The following DDX39B variants were observed in gnomAD, a reference collection of about 807,000 sequenced individuals.
DDX39B encodes DExD-box helicase 39B, also known as spliceosome RNA helicase DDX39B.
DDX39B carries 6 observed loss-of-function variants against 46.4 expected under a neutral mutation model. That is an observed-to-expected ratio of 0.13 (90% CI 0.07 to 0.26). The LOEUF (loss-of-function observed/expected upper bound fraction) is 0.26, where lower values mean the gene tolerates loss of function less well. DDX39B is among the 10% of genes least tolerant of loss of function. The probability of loss-of-function intolerance (pLI) is 1.00; values close to 1 mark genes in which losing one functional copy is unlikely to be tolerated. For synonymous variants in DDX39B, 174 were observed against 199.4 expected (o/e 0.87, Z 1.07); for missense variants, 185 against 553.4 (o/e 0.33, Z 6.68).
In DDX39B at chr6:31,535,072, C is replaced by G; in HGVS notation, c.735+295G>C. The G allele has an allele frequency of 4.4e-6, 2 of 452,992 alleles. No individual in the cohort carries two copies. The highest frequency in any genetic ancestry group is 4.7e-5 in the South Asian group (2 of 42,858). 28.1% of individuals were successfully genotyped at this position (452,992 alleles called of 1,614,324 possible). On this transcript the variant is annotated intron_variant, in intron 6 of 10. Transcript: ENST00000396172. The surrounding 1 kb of genome is among the most constrained non-coding windows in gnomAD (Gnocchi z 4.6). ...GGGTGGGTGGTAGGGCAGAAAAATC[C>G]TGCCCTCCCCCAAAGGGAGAAGAGG...
At position 31,541,635 on chromosome 6, in the gene DDX39B, A is replaced by G. The variant is rs186024177; in HGVS notation, c.-133+315T>C. The stretch of plus-strand genomic sequence containing the variant: ...AAGAGCCCCGCCCTCCGCAAATACC[A>G]AGACCAAGGGACGCCGAGCGCCGCC... On this transcript the variant is annotated intron_variant, in intron 1 of 10. Coordinates refer to ENST00000396172, the MANE Select transcript of DDX39B (RefSeq NM_004640.7). 1.7e-3 allele frequency: 812 copies of G among 481,780 alleles called. 14 individuals are homozygous for G. The highest frequency in any genetic ancestry group is 0.016 in the Admixed American group (686 of 42,844). 29.8% of individuals were successfully genotyped at this position (481,780 alleles called of 1,614,324 possible).
rs766434263 is a variant in DDX39B, at chr6:31,530,975, C to T, written c.1123-49G>A. The T allele has an allele frequency of 3.1e-6, 5 of 1,613,180 alleles. No homozygotes were observed. In the East Asian group the frequency reaches 1.1e-4, roughly 36 times the overall value. On this transcript the variant is annotated intron_variant, in intron 9 of 10. Transcript: ENST00000396172. The surrounding 1 kb of genome is among the most constrained non-coding windows in gnomAD (Gnocchi z 4.5). Reference sequence around the variant, plus strand: ...CTGGAAGACCGAAGAGGAAAGAGACCCAGAGGCAGGAATGAAGATGTACAA... The same window carrying T: ...CTGGAAGACCGAAGAGGAAAGAGACTCAGAGGCAGGAATGAAGATGTACAA...
chr6:31,534,778 G>A lies in DDX39B; in HGVS notation c.735+589C>T. Reference sequence around the variant, plus strand: ...TCTGTTGCCGGCTCACATCAACCGAGGTTCCAGATGGGTGCAAGGAGATGT... The same window carrying A: ...TCTGTTGCCGGCTCACATCAACCGAAGTTCCAGATGGGTGCAAGGAGATGT... On this transcript the variant is annotated intron_variant, in intron 6 of 10. Transcript: ENST00000396172. The surrounding 1 kb of genome is among the most constrained non-coding windows in gnomAD (Gnocchi z 5.1). 1 of 337,136 alleles carries A rather than the reference G, an allele frequency of 3.0e-6. No homozygotes were observed. Among genetic ancestry groups the A allele is most frequent in the Non-Finnish European group, 5.8e-6 (1 of 170,974 alleles). The allele number at this position is 337,136 out of a possible 1,614,324, so 20.9% of individuals were successfully genotyped here.
At position 31,540,581 on chromosome 6, in the gene DDX39B, G is replaced by A. The variant is rs755553453; in HGVS notation, c.-49C>T. The A allele has an allele frequency of 2.7e-5, 43 of 1,581,186 alleles. No homozygotes were observed. Among genetic ancestry groups the A allele is most frequent in the Admixed American group, 8.4e-5 (5 of 59,602 alleles). ...GGAAGGGGGATCTGGATGGGTTCTC[G>A]CAAAATAGGTGAAAACAAGGGGTGA... On this transcript the variant is annotated 5_prime_UTR_variant, in exon 2 of 11. Coordinates refer to ENST00000396172, the MANE Select transcript of DDX39B (RefSeq NM_004640.7).
chr6:31,530,495 G>A lies in DDX39B; in HGVS notation c.1271-45C>T, dbSNP rs905884573. On this transcript the variant is annotated intron_variant, in intron 10 of 10. Transcript: ENST00000396172. The surrounding 1 kb of genome is among the most constrained non-coding windows in gnomAD (Gnocchi z 4.5). ...TGGTCAGAATAAGGCATGAAAAGGG[G>A]AAAGTGAGGCAGGAACACACGGCAC... 2 of 1,612,238 alleles carry A rather than the reference G, an allele frequency of 1.2e-6. No homozygotes were observed. The highest frequency in any genetic ancestry group is 2.7e-5 in the African/African-American group (2 of 74,900).
Position 31,530,289 on chromosome 6 carries a change from G to A in DDX39B, c.*145C>T. ...AAAAAAATTCTGACAAATCAGAAAT[G>A]GGGGTTCAGGAGTGGTGGTGATGCA... is the stretch of plus-strand genomic sequence containing the variant. On this transcript the variant is annotated 3_prime_UTR_variant, in exon 11 of 11. Coordinates refer to ENST00000396172, the MANE Select transcript of DDX39B (RefSeq NM_004640.7). This position sits in a 1 kb window ranked among gnomAD's most constrained non-coding sequence, Gnocchi z 4.5. 9.9e-7 allele frequency: 1 copy of A among 1,011,268 alleles called. No individual in the cohort carries two copies. The highest frequency in any genetic ancestry group is 1.6e-5 in the African/African-American group (1 of 61,066). 62.6% of individuals were successfully genotyped at this position (1,011,268 alleles called of 1,614,324 possible). A position where few individuals can be genotyped will look rare whatever the true frequency, so the allele number is the denominator to read the frequency against.
At position 31,531,467 on chromosome 6, in the gene DDX39B, G is replaced by A. The variant is rs748507102; in HGVS notation, c.868-62C>T. The A allele has an allele frequency of 2.9e-4, 419 of 1,445,580 alleles. 2 individuals carry two copies. The highest frequency in any genetic ancestry group is 1.0e-3 in the Middle Eastern group (6 of 5,730). 89.5% of individuals were successfully genotyped at this position (1,445,580 alleles called of 1,614,324 possible). ...GAATAGGGGTCCATGGTGTGTGAGA[G>A]ACATTACGTGGGAGAGGGGAGTTTC... is the stretch of plus-strand genomic sequence containing the variant. On this transcript the variant is annotated intron_variant, in intron 7 of 10. Transcript: ENST00000396172. The surrounding 1 kb of genome is among the most constrained non-coding windows in gnomAD (Gnocchi z 5.8).
At chr6:31,536,423 T>G in intron 5 of DDX39B, 77 bp downstream of exon 5, 1 of 1,600,070 alleles carries the variant, frequency 6.2e-7, no homozygotes, top group Non-Finnish European at 8.5e-7. Flanking sequence ...ACTGAGGTGC[T>G]CCTGTTTCAA....
chr6:31,532,685 A>AT, intron 7 of DDX39B, 95 bp downstream of exon 7: 1 of 1,485,152 alleles, frequency 6.7e-7, no homozygotes, highest in Non-Finnish European at 9.3e-7. Context: ...CACATCACAC[A>AT]TGTGATTTCC....
At chr6:31,533,960 CGT>C (rs1767483573) in intron 6 of DDX39B, 1 of 152,254 alleles carries the variant, frequency 6.6e-6, no homozygotes, top group African/African-American at 2.4e-5. Flanking sequence ...GGAAAGGATG[CGT>C]GTGTCATGGG....
intron 5 of DDX39B, among the ~76,000 whole-genome samples, chr6:31,536,200 T>C (rs1161955648): frequency 1.3e-5 from 2 of 152,200 alleles, no homozygotes; most frequent in African/African-American, 4.8e-5. Flanking sequence ...GAATCTCCGC[T>C]ATGACTCCCA....
chr6:31,532,853 T>C lies in DDX39B; in HGVS notation c.794A>G (p.Tyr265Cys). The change falls in exon 7 of 11, where the codon TAC (tyrosine) becomes TGC (cysteine). Residue 265 changes from tyrosine (Y) to cysteine (C), a missense_variant. Transcript: ENST00000396172. ...TKLTLHGLQQ[Y>C]YVKLKDNEKN... ...CTCGTTGTCCTTCAGTTTCACGTAGTACTGCTGCAACCCATGCAGCGTCAA... is the reference window on the plus strand; with the variant it reads ...CTCGTTGTCCTTCAGTTTCACGTAGCACTGCTGCAACCCATGCAGCGTCAA... 1 of 1,595,532 alleles carries C rather than the reference T, an allele frequency of 6.3e-7. No individual in the cohort carries two copies. Among genetic ancestry groups the C allele is most frequent in the Non-Finnish European group, 8.5e-7 (1 of 1,170,012 alleles).
rs3219189 is a variant in DDX39B at position 31,530,261 on chromosome 6, T to TA, written c.*172dup. The TA allele has an allele frequency of 2.0e-4, 177 of 883,050 alleles. No individual in the cohort carries two copies. Among genetic ancestry groups the TA allele is most frequent in the Non-Finnish European group, 2.5e-4 (148 of 590,552 alleles). 54.7% of individuals were successfully genotyped at this position (883,050 alleles called of 1,614,324 possible). ...ACATGTGTTTCATTTTTAGTTTTGT[T>TA]AAAAAAAAATTCTGACAAATCAGAA... On this transcript the variant is annotated 3_prime_UTR_variant, in exon 11 of 11. Coordinates refer to ENST00000396172, the MANE Select transcript of DDX39B (RefSeq NM_004640.7). This position sits in a 1 kb window ranked among gnomAD's most constrained non-coding sequence, Gnocchi z 4.5.
intron 4 of DDX39B, 127 bp from the exon 5 acceptor site, chr6:31,536,810 G>C (rs3130057): frequency 8.4e-7 from 1 of 1,188,746 alleles, no homozygotes; most frequent in Non-Finnish European, 1.1e-6. Context: ...ACTTTAGAGG[G>C]CACCTAATTT....
chr6:31,531,570 AAC>A lies in DDX39B; in HGVS notation c.868-167_868-166del. 2 of 675,520 alleles carry A rather than the reference AAC, an allele frequency of 3.0e-6. No individual in the cohort carries two copies. The highest frequency in any genetic ancestry group is 5.0e-6 in the Non-Finnish European group (2 of 400,964). 41.8% of individuals were successfully genotyped at this position (675,520 alleles called of 1,614,324 possible). ...ATATTTAGAGCAGAAAAGGAAATAT[AAC>A]TTTACTTCAGCACTGATTTTTCCCT... On this transcript the variant is annotated intron_variant, in intron 7 of 10. Coordinates refer to ENST00000396172, the MANE Select transcript of DDX39B (RefSeq NM_004640.7). The surrounding 1 kb of genome is among the most constrained non-coding windows in gnomAD (Gnocchi z 5.8).
rs1767535322 is a variant in DDX39B at position 31,534,397 on chromosome 6, C to T, written c.735+970G>A. The T allele has an allele frequency of 6.6e-6, 3 of 453,210 alleles. No individual in the cohort carries two copies. The allele number at this position is 453,210 out of a possible 1,614,324, so 28.1% of individuals were successfully genotyped here. A position where few individuals can be genotyped will look rare whatever the true frequency, so the allele number is the denominator to read the frequency against. On this transcript the variant is annotated intron_variant, in intron 6 of 10. Coordinates refer to ENST00000396172, the MANE Select transcript of DDX39B (RefSeq NM_004640.7). This position sits in a 1 kb window ranked among gnomAD's most constrained non-coding sequence, Gnocchi z 5.1. Reference sequence around the variant, plus strand: ...GATCATCCCACGGGAAGGAACACTGCAGGGAGGGGAAGAACACACTCCACT... The same window carrying T: ...GATCATCCCACGGGAAGGAACACTGTAGGGAGGGGAAGAACACACTCCACT...
intron 1 of DDX39B, 171 bp from the exon 2 acceptor site, chr6:31,540,835 C>G (rs1485039320): frequency 2.1e-6 from 1 of 485,666 alleles, no homozygotes; most frequent in Non-Finnish European, 3.7e-6. Context: ...AAAAGCAGTA[C>G]CAGGGAAAGT....
Position 31,540,594 on chromosome 6 carries a change from A to AAAC in DDX39B, c.-65_-63dup. 6.6e-7 allele frequency: 1 copy of AAAC among 1,511,050 alleles called. No homozygotes were observed. Among genetic ancestry groups the AAAC allele is most frequent in the Non-Finnish European group, 9.2e-7 (1 of 1,092,210 alleles). 93.6% of individuals were successfully genotyped at this position (1,511,050 alleles called of 1,614,324 possible). A position where few individuals can be genotyped will look rare whatever the true frequency, so the allele number is the denominator to read the frequency against. On this transcript the variant is annotated 5_prime_UTR_variant, in exon 2 of 11. Transcript: ENST00000396172. ...GGATGGGTTCTCGCAAAATAGGTGA[A>AAAC]AACAAGGGGTGAAGAGTAGGGGATT... is the stretch of plus-strand genomic sequence containing the variant.
chr6:31,530,468 CAT>C lies in DDX39B; in HGVS notation c.1271-20_1271-19del. On this transcript the variant is annotated intron_variant, in intron 10 of 10. Coordinates refer to ENST00000396172, the MANE Select transcript of DDX39B (RefSeq NM_004640.7). This position sits in a 1 kb window ranked among gnomAD's most constrained non-coding sequence, Gnocchi z 4.5. ...CTGTTCAACTGAGAAGAAAACGTAG[CAT>C]GGTCAGAATAAGGCATGAAAAGGGG... 1 of 1,584,024 alleles carries C rather than the reference CAT, an allele frequency of 6.3e-7. No individual in the cohort carries two copies. The highest frequency in any genetic ancestry group is 8.6e-7 in the Non-Finnish European group (1 of 1,165,076).
Sources: allele counts gnomAD v4.1 joint callset (sites outside exome capture counted in the v4.1 genomes callset), GRCh38; gene constraint gnomAD v4.1.1; non-coding constraint Gnocchi (gnomAD v3.1); transcripts MANE v1.5; gene names NCBI Gene and HGNC (gene_info 2026-07-23, HGNC 2026-07-21).